Variants in NOL10 observed in about 807,000 individuals in gnomAD.
The protein encoded by NOL10 is nucleolar protein 10, also known as H_NH0074G24.1.
A neutral mutation model predicts 103.5 loss-of-function variants in NOL10; 58 were observed. The ratio of observed to expected loss-of-function variants is 0.56; its 90% CI spans 0.45 to 0.70. NOL10 has a LOEUF of 0.70. NOL10 is among the 30% of genes least tolerant of loss of function. NOL10 has a pLI of 0.00. For synonymous variants in NOL10, 287 were observed against 282.5 expected (o/e 1.02, Z -0.16); for missense variants, 763 against 807.3 (o/e 0.95, Z 0.67).
At chr2:10,641,174 C>CAAAAAAAAAAAAAAAAA (rs35267200) in intron 13 of NOL10, among the ~76,000 whole-genome samples, 1 of 99,458 alleles carries the variant, frequency 1.0e-5, no homozygotes, top group African/African-American at 3.7e-5. Flanking sequence ...TACAAAAATA[C>CAAAAAAAAAAAAAAAAA]AAAAAAAAAA....
chr2:10,600,900 C>G lies in NOL10; in HGVS notation c.1375G>C (p.Glu459Gln). Residue 459 changes from glutamate (E) to glutamine (Q), a missense_variant, in exon 17 of 21, where the codon GAG becomes CAG. Physicochemically the swap from Glu to Gln is conservative, Grantham distance 29. Transcript: ENST00000381685. The part of the protein sequence containing the change: ...VNKELALKLI[E>Q]EEEEKQKSTW... ...GATTTCTGCTTCTCCTCTTCTTCCT[C>G]AATTAATTTAAGTGCCAGCTCTTTG... 6.4e-7 allele frequency: 1 copy of G among 1,557,740 alleles called. No homozygotes were observed.
intron 19 of NOL10, among the ~76,000 whole-genome samples, chr2:10,587,181 A>G (rs1354001541): frequency 6.1e-5 from 3 of 49,482 alleles, no homozygotes; most frequent in African/African-American, 2.6e-4. Context: ...ATATATATAC[A>G]CATATATATA....
At chr2:10,587,275 A>ATATTT (rs1280231319) in intron 19 of NOL10, among the ~76,000 whole-genome samples, 1 of 22,584 alleles carries the variant, frequency 4.4e-5, no homozygotes, top group Non-Finnish European at 7.9e-5. Context: ...ATATATATAT[A>ATATTT]TTTTTTTTTT....
Position 10,638,695 on chromosome 2 carries a change from G to A in NOL10, c.1026+5625C>T, listed in dbSNP as rs549282607. Among the ~76,000 whole-genome samples the A allele has an allele frequency of 3.0e-4, 44 of 148,414 alleles. No individual in the cohort carries two copies. In the Middle Eastern group the frequency reaches 0.011, roughly 36 times the overall value. ...TTTAGTAGAGACGGGATTTCACCAT[G>A]TTGGCCAGGTTGGTCTTGAACTCCT... On this transcript the variant is annotated intron_variant, in intron 13 of 20. Transcript: ENST00000381685.
chr2:10,670,097 G>C (rs867822523), intron 6 of NOL10, among the ~76,000 whole-genome samples: 3 of 152,022 alleles, frequency 2.0e-5, no homozygotes, highest in South Asian at 2.1e-4. Flanking sequence ...AAAAAGTTTT[G>C]AAATACTGTG....
chr2:10,614,195 G>T (rs55750243), intron 13 of NOL10, among the ~76,000 whole-genome samples: 46,186 of 151,918 alleles, frequency 0.3, 7,736 homozygotes, highest in Non-Finnish European at 0.38. Context: ...CCTGACCTCG[G>T]GTGATCCGCT....
chr2:10,682,179 A>G (rs1681815569), intron 2 of NOL10, 110 bp from the exon 3 acceptor site: 1 of 414,396 alleles, frequency 2.4e-6, no homozygotes, highest in Non-Finnish European at 4.2e-6. Context: ...GGTGAAATTC[A>G]TCCCAAATGC....
intron 17 of NOL10, among the ~76,000 whole-genome samples, chr2:10,590,004 G>A (rs1675311641): frequency 6.6e-6 from 1 of 152,132 alleles, no homozygotes; most frequent in Admixed American, 6.5e-5. Flanking sequence ...AATGAGCCAA[G>A]AATGACCCTT....
rs370613749 is a variant in NOL10, at chr2:10,689,907, G to A, written c.-46C>T. The A allele has an allele frequency of 1.3e-6, 2 of 1,556,218 alleles. No homozygotes were observed. The highest frequency in any genetic ancestry group is 1.7e-6 in the Non-Finnish European group (2 of 1,144,682). On this transcript the variant is annotated 5_prime_UTR_variant, in exon 1 of 21. In the 5' UTR this introduces an upstream ATG that the reference lacks. Coordinates refer to ENST00000381685, the MANE Select transcript of NOL10 (RefSeq NM_024894.4). ...AAGTCCCGGGTCCTTTCCCACCAGC[G>A]TGCTCGAGCACCGTAATCCCGGGAC...
At chr2:10,645,576 C>T (rs1391585028) in intron 12 of NOL10, among the ~76,000 whole-genome samples, 1 of 149,668 alleles carries the variant, frequency 6.7e-6, no homozygotes, top group Non-Finnish European at 1.5e-5. Context: ...CTCTGTTGCC[C>T]AGGCTGGAGT....
In NOL10 at chr2:10,645,952, C is replaced by CACAA. The variant is rs1679044296; in HGVS notation, c.974-1581_974-1580insTTGT. Among the ~76,000 whole-genome samples, 6 of 151,548 alleles carry CACAA rather than the reference C, an allele frequency of 4.0e-5. No individual in the cohort carries two copies. In the South Asian group the frequency reaches 1.3e-3, roughly 32 times the overall value. On this transcript the variant is annotated intron_variant, in intron 12 of 20. Coordinates refer to ENST00000381685, the MANE Select transcript of NOL10 (RefSeq NM_024894.4). ...AAACACACACACACACATACACACA[C>CACAA]ACACACACACACACACCCCGTAAAA...
chr2:10,679,822 T>C (rs527738454), intron 3 of NOL10, among the ~76,000 whole-genome samples: 2 of 152,266 alleles, frequency 1.3e-5, no homozygotes, highest in South Asian at 2.1e-4. Context: ...GATTTCACCA[T>C]GTTGGGCAGG....
intron 9 of NOL10, among the ~76,000 whole-genome samples, chr2:10,662,087 T>A (rs549290020): frequency 5.0e-4 from 76 of 152,328 alleles, no homozygotes; most frequent in African/African-American, 1.8e-3. Flanking sequence ...TAAATATGCT[T>A]CTGCAACATA....
intron 20 of NOL10, among the ~76,000 whole-genome samples, chr2:10,574,887 G>A (rs971966604): frequency 6.6e-6 from 1 of 152,204 alleles, no homozygotes; most frequent in Admixed American, 6.5e-5. Context: ...CACCAAGGTA[G>A]GAGCTTCAAG....
chr2:10,668,510 G>T, intron 7 of NOL10, 148 bp downstream of exon 7: 1 of 381,288 alleles, frequency 2.6e-6, no homozygotes, highest in Admixed American at 4.3e-5. Flanking sequence ...TGAATTTTTT[G>T]TCTGAGAATA....
intron 12 of NOL10, among the ~76,000 whole-genome samples, chr2:10,653,427 G>A (rs1679619802): frequency 1.3e-5 from 2 of 152,122 alleles, no homozygotes; most frequent in Non-Finnish European, 2.9e-5. Flanking sequence ...CCCCATCTCA[G>A]CTCAGAATAT....
rs1233916944 is a variant in NOL10 at position 10,571,117 on chromosome 2, A to G, written c.*954T>C. 1 of 152,192 alleles carries G rather than the reference A, an allele frequency of 6.6e-6. No individual in the cohort carries two copies. The highest frequency in any genetic ancestry group is 2.4e-5 in the African/African-American group (1 of 41,436). 9.4% of individuals were successfully genotyped at this position (152,192 alleles called of 1,614,324 possible). The stretch of plus-strand genomic sequence containing the variant: ...TGGTTTTGCTCTGTGTCCCCACACA[A>G]ATCTCATGTCAAATTGTAATCTTCG... On this transcript the variant is annotated 3_prime_UTR_variant, in exon 21 of 21. Coordinates refer to ENST00000381685, the MANE Select transcript of NOL10 (RefSeq NM_024894.4).
chr2:10,680,313 AAGAGGGAGAAGAGGG>A (rs762220827), intron 3 of NOL10, among the ~76,000 whole-genome samples: 5,328 of 56,926 alleles, frequency 0.094, 776 homozygotes, highest in Middle Eastern at 0.15. Context: ...GAAGAGGGAG[AAGAGGGAGAAGAGGG>A]AGAGGGAGAA....
chr2:10,576,820 G>A (rs557172163), intron 20 of NOL10, among the ~76,000 whole-genome samples: 7 of 152,078 alleles, frequency 4.6e-5, no homozygotes, highest in South Asian at 4.1e-4. Context: ...AATACACTAA[G>A]AACCACTGAA....
Sources: allele counts gnomAD v4.1 joint callset (sites outside exome capture counted in the v4.1 genomes callset), GRCh38; gene constraint gnomAD v4.1.1; transcripts MANE v1.5; gene names NCBI Gene and HGNC (gene_info 2026-07-23, HGNC 2026-07-21).